Variants in ZCCHC24 observed in about 807,000 individuals in gnomAD.
ZCCHC24 encodes the protein zinc finger CCHC-type containing 24.
Under a neutral mutation model 26.2 loss-of-function variants are expected in ZCCHC24, and 10 were observed. The observed-to-expected ratio is 0.38, with a 90% CI of 0.24 to 0.65. The LOEUF (loss-of-function observed/expected upper bound fraction) is 0.65, where lower values mean the gene tolerates loss of function less well. ZCCHC24 is among the 30% of genes least tolerant of loss of function. ZCCHC24 has a pLI of 0.54. For missense variants in ZCCHC24, 243 were observed against 329.1 expected, an observed-to-expected ratio of 0.74 and a Z score of 2.03; for synonymous variants, 144 against 147.1, an observed-to-expected ratio of 0.98 and a Z score of 0.15.
chr10:79,388,400 G>A (rs1175826450), intron 3 of ZCCHC24, among the ~76,000 whole-genome samples: 1 of 152,200 alleles, frequency 6.6e-6, no homozygotes, highest in African/African-American at 2.4e-5. Flanking sequence ...GGGCTTGGGT[G>A]CCCTCAGGGC....
rs764204604 is a variant in ZCCHC24, at chr10:79,384,756, C to T, written c.*1589G>A. On this transcript the variant is annotated 3_prime_UTR_variant, in exon 4 of 4. Transcript: ENST00000372336. ...CATTTGAATACAAAAGGCAACTGGA[C>T]ACCAGATGGGCATCCTTGAGCCATG... 2.0e-5 allele frequency: 3 copies of T among 152,690 alleles called. No homozygotes were observed. Among genetic ancestry groups the T allele is most frequent in the Non-Finnish European group, 4.4e-5 (3 of 68,050 alleles). 9.5% of individuals were successfully genotyped at this position (152,690 alleles called of 1,614,324 possible).
intron 2 of ZCCHC24, among the ~76,000 whole-genome samples, chr10:79,412,014 C>T (rs751876539): frequency 8.5e-5 from 13 of 152,200 alleles, no homozygotes; most frequent in East Asian, 1.9e-4. Flanking sequence ...CAGAATCTCG[C>T]GAGTGGGAGG....
At chr10:79,423,713 T>C (rs1244901037) in intron 2 of ZCCHC24, among the ~76,000 whole-genome samples, 1 of 149,602 alleles carries the variant, frequency 6.7e-6, no homozygotes, top group East Asian at 2.0e-4. Flanking sequence ...TAAATACAAA[T>C]AGGCAAATAG....
chr10:79,392,483 C>A (rs549521130), intron 3 of ZCCHC24, among the ~76,000 whole-genome samples: 169 of 152,324 alleles, frequency 1.1e-3, no homozygotes, highest in African/African-American at 3.9e-3. Flanking sequence ...TTCTCCCTCC[C>A]TCCTGTGCCG....
intron 3 of ZCCHC24, among the ~76,000 whole-genome samples, chr10:79,393,931 G>A (rs1322761859): frequency 2.0e-5 from 3 of 152,152 alleles, no homozygotes; most frequent in South Asian, 2.1e-4. Flanking sequence ...CCACATGCCC[G>A]GGCCTGGTGC....
At chr10:79,429,666 C>T (rs941022959) in intron 2 of ZCCHC24, among the ~76,000 whole-genome samples, 2 of 152,198 alleles carry the variant, frequency 1.3e-5, no homozygotes, top group African/African-American at 4.8e-5. Flanking sequence ...GAGGTGACAG[C>T]TGCACAACTC....
At position 79,385,974 on chromosome 10, in the gene ZCCHC24, T is replaced by C; in HGVS notation, c.*371A>G. ...GTCTGGGGAGGTTTGGGATTCACAGTCAATTTAGTGCACCTGTGGCCAATA... is the reference window on the plus strand; with the variant it reads ...GTCTGGGGAGGTTTGGGATTCACAGCCAATTTAGTGCACCTGTGGCCAATA... On this transcript the variant is annotated 3_prime_UTR_variant, in exon 4 of 4. Coordinates refer to ENST00000372336, the MANE Select transcript of ZCCHC24 (RefSeq NM_153367.4). This position sits in a 1 kb window ranked among gnomAD's most constrained non-coding sequence, Gnocchi z 4.3. 1 of 422,562 alleles carries C rather than the reference T, an allele frequency of 2.4e-6. No individual in the cohort carries two copies. The highest frequency in any genetic ancestry group is 4.2e-6 in the Non-Finnish European group (1 of 238,488). The allele number at this position is 422,562 out of a possible 1,614,324, so 26.2% of individuals were successfully genotyped here.
At chr10:79,419,015 G>A (rs1394623155) in intron 2 of ZCCHC24, among the ~76,000 whole-genome samples, 1 of 152,238 alleles carries the variant, frequency 6.6e-6, no homozygotes, top group African/African-American at 2.4e-5. Flanking sequence ...CCCAAGGGGT[G>A]TGTGCATGCA....
At chr10:79,407,623 T>TCA (rs1228975785) in intron 2 of ZCCHC24, among the ~76,000 whole-genome samples, 1 of 152,202 alleles carries the variant, frequency 6.6e-6, no homozygotes, top group East Asian at 1.9e-4. Flanking sequence ...GTGATCCTGG[T>TCA]CACAGTCTGT....
At chr10:79,419,678 G>A (rs1193027243) in intron 2 of ZCCHC24, among the ~76,000 whole-genome samples, 6 of 152,210 alleles carry the variant, frequency 3.9e-5, no homozygotes, top group Non-Finnish European at 2.9e-5. Flanking sequence ...GTCCCTCTGA[G>A]CTTGGAGGAA....
chr10:79,409,476 C>A (rs1368869174), intron 2 of ZCCHC24, among the ~76,000 whole-genome samples: 1 of 152,220 alleles, frequency 6.6e-6, no homozygotes, highest in African/African-American at 2.4e-5. Flanking sequence ...TCCTCAGGGA[C>A]AGAGACCCTG....
chr10:79,427,161 G>A (rs1438208422), intron 2 of ZCCHC24, among the ~76,000 whole-genome samples: 2 of 151,862 alleles, frequency 1.3e-5, no homozygotes, highest in Non-Finnish European at 2.9e-5. Context: ...ATAAACATAG[G>A]TGTACCTAAT....
At chr10:79,409,979 G>A (rs747367) in intron 2 of ZCCHC24, among the ~76,000 whole-genome samples, 2 of 152,198 alleles carry the variant, frequency 1.3e-5, no homozygotes, top group Non-Finnish European at 2.9e-5. Flanking sequence ...TCAACCCTGT[G>A]CCTCCGCCCC....
rs1026227085 is a variant in ZCCHC24 at position 79,445,368 on chromosome 10, A to C, written c.73T>G (p.Tyr25Asp). 1 of 1,537,878 alleles carries C rather than the reference A, an allele frequency of 6.5e-7. No individual in the cohort carries two copies. The highest frequency in any genetic ancestry group is 8.7e-7 in the Non-Finnish European group (1 of 1,144,936). Residue 25 changes from tyrosine (Y) to aspartate (D), a missense_variant, in exon 1 of 4, where the codon TAC (tyrosine) becomes GAC (aspartate). By Grantham distance (160) the Tyr-to-Asp change is radical (BLOSUM62 -3). Coordinates refer to ENST00000372336, the MANE Select transcript of ZCCHC24 (RefSeq NM_153367.4). ...YQPAQLLNWVYLSLQDTHQAS... is the reference protein window; with the variant it reads ...YQPAQLLNWVDLSLQDTHQAS... ...TGGTGCGTGTCCTGCAGCGACAGGT[A>C]GACCCAGTTGAGCAGCTGGGCGGGC...
chr10:79,399,102 G>C (rs1207188429), intron 2 of ZCCHC24, among the ~76,000 whole-genome samples: 1 of 152,182 alleles, frequency 6.6e-6, no homozygotes, highest in Non-Finnish European at 1.5e-5. Flanking sequence ...TCCAGTGTCA[G>C]GCCTTGGCGG....
At chr10:79,444,118 G>T in intron 1 of ZCCHC24, 7 of 1,545,848 alleles carry the variant, frequency 4.5e-6, no homozygotes, top group Non-Finnish European at 3.5e-6. Flanking sequence ...GCCCAGGTCT[G>T]GAAGGAAAGT....
chr10:79,392,095 C>T (rs922078559), intron 3 of ZCCHC24, among the ~76,000 whole-genome samples: 1 of 152,012 alleles, frequency 6.6e-6, no homozygotes, highest in Non-Finnish European at 1.5e-5. Flanking sequence ...CGATGCCCCA[C>T]GATGAAGCAC....
intron 3 of ZCCHC24, among the ~76,000 whole-genome samples, chr10:79,393,089 C>T (rs1056824871): frequency 6.6e-6 from 1 of 152,194 alleles, no homozygotes; most frequent in African/African-American, 2.4e-5. Flanking sequence ...CACTGGGATT[C>T]AGCATCACTT....
At chr10:79,387,711 G>A (rs918878661) in intron 3 of ZCCHC24, among the ~76,000 whole-genome samples, 1 of 152,186 alleles carries the variant, frequency 6.6e-6, no homozygotes, top group Non-Finnish European at 1.5e-5. Context: ...CCCCTGGCCA[G>A]GCTGTGAATG....
Sources: allele counts gnomAD v4.1 joint callset (sites outside exome capture counted in the v4.1 genomes callset), GRCh38; gene constraint gnomAD v4.1.1; non-coding constraint Gnocchi (gnomAD v3.1); transcripts MANE v1.5; gene names NCBI Gene and HGNC (gene_info 2026-07-23, HGNC 2026-07-21).